Variants in AFF2 observed in about 807,000 individuals in gnomAD.
AFF2 encodes ALF transcription elongation factor 2.
A neutral mutation model predicts 76.9 loss-of-function variants in AFF2; 14 were observed. The observed-to-expected ratio is 0.18, with a 90% CI of 0.12 to 0.28. The LOEUF (loss-of-function observed/expected upper bound fraction) is 0.28. Among genes scored for constraint, AFF2 ranks in the 10% least tolerant of loss-of-function variants. AFF2 has a pLI of 1.00. For synonymous variants in AFF2, 398 were observed against 366.7 expected (o/e 1.09, Z -0.98); for missense variants, 868 against 1,001.1 (o/e 0.87, Z 1.79).
In AFF2 at chrX:148,977,918, C is replaced by T. The variant is rs2072346736; in HGVS notation, c.3405-15C>T. The stretch of plus-strand genomic sequence containing the variant: ...TAATACAGATTCCACTTTAGCTTTT[C>T]TTTTCTCTTCAAAGGTATGCAATGA... On this transcript the variant is annotated splice_polypyrimidine_tract_variant and intron_variant, in intron 16 of 20. Coordinates refer to ENST00000370460, the MANE Select transcript of AFF2 (RefSeq NM_002025.4). 5 of 1,177,416 alleles carry T rather than the reference C, an allele frequency of 4.2e-6. No individual in the cohort carries two copies. Among genetic ancestry groups the T allele is most frequent in the Non-Finnish European group, 5.8e-6 (5 of 864,796 alleles).
At chrX:148,610,815 T>A (rs1557249395) in intron 1 of AFF2, among the ~76,000 whole-genome samples, 1 of 111,529 alleles carries the variant, frequency 9.0e-6, no homozygotes, top group Non-Finnish European at 1.9e-5. Flanking sequence ...TTCCAAAGAC[T>A]GCTGTGTAAT....
chrX:148,628,088 G>A (rs2053944648), intron 1 of AFF2, among the ~76,000 whole-genome samples: 1 of 111,249 alleles, frequency 9.0e-6, no homozygotes, highest in African/African-American at 3.3e-5. Context: ...GAAGAAGCCA[G>A]GGCAGCAGAA....
intron 8 of AFF2, among the ~76,000 whole-genome samples, 180 bp from the exon 9 acceptor site, chrX:148,904,041 A>G (rs2071383344): frequency 8.9e-6 from 1 of 111,783 alleles, no homozygotes; most frequent in Non-Finnish European, 1.9e-5. Flanking sequence ...ACAGGTAACC[A>G]TGTTTCCCAG....
At chrX:148,633,463 G>A (rs1212505147) in intron 1 of AFF2, among the ~76,000 whole-genome samples, 4 of 111,924 alleles carry the variant, frequency 3.6e-5, no homozygotes, top group South Asian at 7.4e-4. Flanking sequence ...ACACACACAC[G>A]CATACACAAG....
chrX:148,873,427 C>A (rs1248092294), intron 7 of AFF2, among the ~76,000 whole-genome samples: 2 of 109,420 alleles, frequency 1.8e-5, no homozygotes, highest in Non-Finnish European at 3.8e-5. Flanking sequence ...CCTTTTTCTT[C>A]TGTTGAAATA....
intron 1 of AFF2, among the ~76,000 whole-genome samples, chrX:148,520,554 C>G (rs1490216947): frequency 8.9e-6 from 1 of 111,991 alleles, no homozygotes. Flanking sequence ...ACTGGCCCAG[C>G]TGTTCTTTCT....
At chrX:148,773,737 A>AGAAAGAAAGAAAGAAAGAAAGAAG (rs1569555328) in intron 3 of AFF2, among the ~76,000 whole-genome samples, 21 of 107,771 alleles carry the variant, frequency 1.9e-4, no homozygotes, top group African/African-American at 6.1e-4. Flanking sequence ...AAAGAAAGAA[A>AGAAAGAAAGAAAGAAAGAAAGAAG]GAAAGAAAGA....
At chrX:148,958,259 C>T in intron 11 of AFF2, 78 bp from the exon 12 acceptor site, 1 of 1,147,290 alleles carries the variant, frequency 8.7e-7, no homozygotes, top group Non-Finnish European at 1.2e-6. Flanking sequence ...GTATCTTGCT[C>T]ATTTTTAGTG....
intron 1 of AFF2, among the ~76,000 whole-genome samples, chrX:148,511,643 C>T (rs2052483264): frequency 8.9e-6 from 1 of 112,402 alleles, no homozygotes; most frequent in South Asian, 3.7e-4. Context: ...CCTCATTGAA[C>T]AAGGACCCTA....
At chrX:148,677,025 G>A (rs1470907647) in intron 3 of AFF2, among the ~76,000 whole-genome samples, 1 of 111,047 alleles carries the variant, frequency 9.0e-6, no homozygotes, top group Non-Finnish European at 1.9e-5. Context: ...GAGGCAGAAA[G>A]ATTGAAAAGG....
chrX:148,623,761 C>T (rs1310474430), intron 1 of AFF2, among the ~76,000 whole-genome samples: 1 of 110,373 alleles, frequency 9.1e-6, no homozygotes, highest in Non-Finnish European at 1.9e-5. Flanking sequence ...TATGTATTAA[C>T]ATAAAATAAC....
intron 1 of AFF2, among the ~76,000 whole-genome samples, chrX:148,639,830 G>A (rs1434892341): frequency 1.8e-5 from 2 of 111,639 alleles, no homozygotes; most frequent in African/African-American, 3.3e-5. Flanking sequence ...ATCCTCTGTG[G>A]CAGTATTTGG....
chrX:148,960,038 T>C (rs1395678377), intron 12 of AFF2, among the ~76,000 whole-genome samples: 3 of 112,657 alleles, frequency 2.7e-5, no homozygotes, highest in African/African-American at 9.7e-5. Flanking sequence ...TCATTTGAGT[T>C]GGTTCTTACC....
chrX:148,525,659 A>G (rs1381201619), intron 1 of AFF2, among the ~76,000 whole-genome samples: 1 of 112,170 alleles, frequency 8.9e-6, no homozygotes, highest in Non-Finnish European at 1.9e-5. Flanking sequence ...CACTTAAGTA[A>G]TTTTATAGTA....
At chrX:148,593,863 C>T (rs1032081433) in intron 1 of AFF2, among the ~76,000 whole-genome samples, 6 of 111,055 alleles carry the variant, frequency 5.4e-5, no homozygotes, top group African/African-American at 1.6e-4. Flanking sequence ...AATAATTTGT[C>T]CAGGTTGTAT....
At chrX:148,545,850 C>A (rs916065425) in intron 1 of AFF2, among the ~76,000 whole-genome samples, 33 of 111,177 alleles carry the variant, frequency 3.0e-4, no homozygotes, top group Non-Finnish European at 3.0e-4. Context: ...TGAGAATGAG[C>A]GTTTCTAACA....
chrX:148,641,012 G>T, intron 1 of AFF2, among the ~76,000 whole-genome samples: 2 of 111,739 alleles, frequency 1.8e-5, no homozygotes, highest in Middle Eastern at 9.1e-3. Context: ...TGTTCCTATG[G>T]CACTTTCCTC....
chrX:148,765,881 A>T (rs1557267681), intron 3 of AFF2, among the ~76,000 whole-genome samples: 1 of 73,458 alleles, frequency 1.4e-5, no homozygotes, highest in Non-Finnish European at 2.4e-5. Flanking sequence ...CAGTCCCCAG[A>T]GTGTGATGTT....
chrX:148,628,366 G>A (rs1331944367), intron 1 of AFF2, among the ~76,000 whole-genome samples: 1 of 111,433 alleles, frequency 9.0e-6, no homozygotes, highest in Non-Finnish European at 1.9e-5. Context: ...CTGTGGATGA[G>A]TCTATGGAGA....
Sources: gnomAD v4.1 joint callset for allele counts (sites outside exome capture counted in the v4.1 genomes callset) on GRCh38, gnomAD v4.1.1 for gene constraint, MANE v1.5 for transcripts, NCBI Gene and HGNC (gene_info 2026-07-23, HGNC 2026-07-21) for gene names.